The following FAM53B variants were observed in gnomAD, a reference collection of about 807,000 sequenced individuals.
FAM53B encodes protein FAM53B.
In FAM53B, 12 loss-of-function variants were observed where a neutral mutation model predicts 32.7. That is an observed-to-expected ratio of 0.37 (90% CI 0.24 to 0.59). The LOEUF (loss-of-function observed/expected upper bound fraction) is 0.59, where lower values mean the gene tolerates loss of function less well. Ranked by LOEUF, FAM53B falls within the 20% of genes least tolerant of loss-of-function variation. The probability of loss-of-function intolerance (pLI) is 0.72; values close to 1 mark genes in which losing one functional copy is unlikely to be tolerated. For synonymous variants in FAM53B, 234 were observed against 228.7 expected (o/e 1.02, Z -0.21); for missense variants, 477 against 577.7 (o/e 0.83, Z 1.79).
At chr10:124,689,626 G>C (rs982517572) in intron 3 of FAM53B, among the ~76,000 whole-genome samples, 1 of 152,244 alleles carries the variant, frequency 6.6e-6, no homozygotes, top group Non-Finnish European at 1.5e-5. Flanking sequence ...AGGCAGGCGG[G>C]TCTGCAGGAC....
chr10:124,713,737 G>C (rs1950020462), intron 1 of FAM53B: 1 of 152,190 alleles, frequency 6.6e-6, no homozygotes, highest in African/African-American at 2.4e-5. Context: ...TATTTAGCCT[G>C]TACGTACTAC....
At chr10:124,673,463 AG>A (rs1170430811) in intron 4 of FAM53B, among the ~76,000 whole-genome samples, 1 of 152,208 alleles carries the variant, frequency 6.6e-6, no homozygotes, top group Non-Finnish European at 1.5e-5. Context: ...ACATTTCTGA[AG>A]CAGCGCCTTG....
intron 2 of FAM53B, among the ~76,000 whole-genome samples, chr10:124,701,658 T>G (rs1949915506): frequency 6.6e-6 from 1 of 152,022 alleles, no homozygotes; most frequent in Non-Finnish European, 1.5e-5. Context: ...GTTAGAACAC[T>G]GGAAGGAAGA....
At chr10:124,739,562 A>C (rs967657096) in intron 1 of FAM53B, among the ~76,000 whole-genome samples, 1 of 152,228 alleles carries the variant, frequency 6.6e-6, no homozygotes, top group Non-Finnish European at 1.5e-5. Flanking sequence ...TCTGAGGTCA[A>C]ATGGGCTGTT....
chr10:124,708,947 C>T (rs1218709719), intron 1 of FAM53B, among the ~76,000 whole-genome samples: 1 of 152,242 alleles, frequency 6.6e-6, no homozygotes, highest in Non-Finnish European at 1.5e-5. Context: ...ACTCTCAGAG[C>T]CTCAGTTTCC....
chr10:124,721,882 G>A (rs988448032), intron 1 of FAM53B, among the ~76,000 whole-genome samples: 3 of 152,180 alleles, frequency 2.0e-5, no homozygotes, highest in Non-Finnish European at 2.9e-5. Context: ...TGGCCTAACC[G>A]CCTAACAGGA....
chr10:124,650,989 C>T (rs1414103349), intron 4 of FAM53B, among the ~76,000 whole-genome samples: 6 of 152,070 alleles, frequency 3.9e-5, no homozygotes, highest in Non-Finnish European at 7.4e-5. Context: ...CCGAGAGGCT[C>T]CACGCATGTG....
chr10:124,657,096 ATGTGTATATATATGTGTG>A (rs1240202325), intron 4 of FAM53B, among the ~76,000 whole-genome samples: 47 of 117,230 alleles, frequency 4.0e-4, no homozygotes, highest in South Asian at 1.7e-3. Context: ...GTGTATATAT[ATGTGTATATATATGTGTG>A]TGTGTATATA....
chr10:124,722,278 C>T (rs1950073368), intron 1 of FAM53B, among the ~76,000 whole-genome samples: 1 of 152,042 alleles, frequency 6.6e-6, no homozygotes, highest in Non-Finnish European at 1.5e-5. Context: ...TGTGTTGCAA[C>T]ATCACTATGT....
intron 1 of FAM53B, among the ~76,000 whole-genome samples, chr10:124,742,162 C>T (rs1950204027): frequency 6.6e-6 from 1 of 152,164 alleles, no homozygotes; most frequent in Admixed American, 6.5e-5. Flanking sequence ...GAAGCTGGAT[C>T]GGCAGACTCC....
chr10:124,717,925 C>T (rs1276748118), intron 1 of FAM53B, among the ~76,000 whole-genome samples: 1 of 152,140 alleles, frequency 6.6e-6, no homozygotes, highest in East Asian at 1.9e-4. Flanking sequence ...CAATCCACCC[C>T]CAGCCCAGGC....
chr10:124,651,721 G>A lies in FAM53B; in HGVS notation c.907-28117C>T, dbSNP rs986961727. ...TGCCTGCTCTGGAGGGTCAAGGTCAGCAGAGCCCCACAGATGTCTAGCCCC... is the reference window on the plus strand; with the variant it reads ...TGCCTGCTCTGGAGGGTCAAGGTCAACAGAGCCCCACAGATGTCTAGCCCC... On this transcript the variant is annotated intron_variant, in intron 4 of 4. Transcript: ENST00000337318. The surrounding 1 kb of genome is among the most constrained non-coding windows in gnomAD (Gnocchi z 5.2). 6.6e-6 allele frequency among the ~76,000 whole-genome samples: 1 copy of A among 152,210 alleles called. No individual in the cohort carries two copies. The highest frequency in any genetic ancestry group is 2.4e-5 in the African/African-American group (1 of 41,460).
intron 1 of FAM53B, among the ~76,000 whole-genome samples, chr10:124,722,296 A>G (rs1950073467): frequency 1.3e-5 from 2 of 152,230 alleles, no homozygotes; most frequent in African/African-American, 2.4e-5. Context: ...TGTACCCCAT[A>G]AATAAGTACA....
At chr10:124,697,333 C>A (rs551258762) in intron 2 of FAM53B, among the ~76,000 whole-genome samples, 1 of 152,300 alleles carries the variant, frequency 6.6e-6, no homozygotes, top group African/African-American at 2.4e-5. Flanking sequence ...CAAAATGACA[C>A]AAACAGACAA....
intron 4 of FAM53B, among the ~76,000 whole-genome samples, chr10:124,652,773 T>A (rs1270866515): frequency 2.6e-5 from 4 of 152,110 alleles, no homozygotes; most frequent in Admixed American, 2.6e-4. Flanking sequence ...TCCTTCAATA[T>A]GGAAGGTAGC....
intron 3 of FAM53B, among the ~76,000 whole-genome samples, chr10:124,693,055 G>A (rs1179508640): frequency 6.6e-6 from 1 of 152,160 alleles, no homozygotes; most frequent in Non-Finnish European, 1.5e-5. Context: ...GAGACAGGCT[G>A]GGGGTTGGTG....
intron 1 of FAM53B, among the ~76,000 whole-genome samples, chr10:124,711,397 T>G (rs1302089517): frequency 6.6e-6 from 1 of 152,118 alleles, no homozygotes; most frequent in Non-Finnish European, 1.5e-5. Flanking sequence ...TTCTGTGTCT[T>G]GACTGTATCC....
intron 4 of FAM53B, 71 bp downstream of exon 4, chr10:124,681,536 T>C (rs925211835): frequency 3.3e-5 from 45 of 1,383,508 alleles, no homozygotes; most frequent in Non-Finnish European, 4.4e-5. Context: ...TCTATGCTTG[T>C]CTAGGACGGC....
chr10:124,671,133 C>T (rs962215059), intron 4 of FAM53B: 20 of 452,006 alleles, frequency 4.4e-5, no homozygotes, highest in Non-Finnish European at 7.6e-5. Context: ...GTGCTGTCAC[C>T]GTCACCCAGC....
Sources: allele counts gnomAD v4.1 joint callset (sites outside exome capture counted in the v4.1 genomes callset), GRCh38; gene constraint gnomAD v4.1.1; non-coding constraint Gnocchi (gnomAD v3.1); transcripts MANE v1.5; gene names NCBI Gene and HGNC (gene_info 2026-07-23, HGNC 2026-07-21).